COL9A1: variants seen among roughly 807,000 people sequenced by gnomAD.
COL9A1 encodes collagen alpha-1(IX) chain.
COL9A1 carries 104 observed loss-of-function variants against 142.6 expected under a neutral mutation model. The observed-to-expected ratio is 0.73, with a 90% CI of 0.62 to 0.86. The LOEUF (loss-of-function observed/expected upper bound fraction) is 0.86. Among genes scored for constraint, COL9A1 ranks in the 40% least tolerant of loss-of-function variants. COL9A1 has a pLI of 0.00. For missense variants in COL9A1, 1,210 were observed against 1,176.6 expected (o/e 1.03, Z -0.42); for synonymous variants, 466 against 396.0 (o/e 1.18, Z -2.10).
chr6:70,282,628 C>G (rs1297161154), intron 7 of COL9A1, among the ~76,000 whole-genome samples: 1 of 152,188 alleles, frequency 6.6e-6, no homozygotes, highest in Non-Finnish European at 1.5e-5. Context: ...AAGAATTAAA[C>G]CTCGGTCTCC....
intron 4 of COL9A1, among the ~76,000 whole-genome samples, chr6:70,296,450 G>T (rs515975): frequency 0.62 from 94,652 of 151,832 alleles, 29,660 homozygotes; most frequent in African/African-American, 0.68. Context: ...AAGAACCATT[G>T]ACTGACCTAT....
At chr6:70,284,303 G>A (rs1773353239) in intron 5 of COL9A1, among the ~76,000 whole-genome samples, 2 of 152,198 alleles carry the variant, frequency 1.3e-5, no homozygotes, top group African/African-American at 4.8e-5. Context: ...CAATCAGAAG[G>A]ACAAGTAGAA....
At chr6:70,275,063 G>GA (rs1269406894) in intron 10 of COL9A1, 5 of 416,870 alleles carry the variant, frequency 1.2e-5, no homozygotes, top group African/African-American at 8.1e-5. Flanking sequence ...CTCTGCTTTG[G>GA]AAAAAAATGC....
intron 26 of COL9A1, 82 bp from the exon 27 acceptor site, chr6:70,252,397 C>A: frequency 8.0e-7 from 1 of 1,242,308 alleles, no homozygotes; most frequent in Non-Finnish European, 1.2e-6. Context: ...ACTGGGATCT[C>A]TTACATTTGA....
At chr6:70,225,302 AG>A (rs1209336140) in intron 37 of COL9A1, among the ~76,000 whole-genome samples, 3 of 152,216 alleles carry the variant, frequency 2.0e-5, no homozygotes. Context: ...CTCTGGTGAC[AG>A]GGTAGCCAGT....
intron 20 of COL9A1, chr6:70,258,830 A>T (rs1010474004): frequency 6.6e-6 from 1 of 152,186 alleles, no homozygotes; most frequent in Non-Finnish European, 1.5e-5. Context: ...AAATGGAAAA[A>T]TATCTCAAAT....
intron 19 of COL9A1, 48 bp from the exon 20 acceptor site, chr6:70,260,758 T>C (rs758722646): frequency 6.3e-7 from 1 of 1,592,046 alleles, no homozygotes; most frequent in Non-Finnish European, 8.6e-7. Flanking sequence ...GAAGCAAAGA[T>C]TTTTAAAAAT....
intron 12 of COL9A1, among the ~76,000 whole-genome samples, chr6:70,273,137 T>A (rs779306404): frequency 2.0e-5 from 3 of 152,176 alleles, no homozygotes; most frequent in Non-Finnish European, 4.4e-5. Context: ...ACATGGACAG[T>A]ATGTTTTAAT....
intron 28 of COL9A1, among the ~76,000 whole-genome samples, chr6:70,246,817 A>T (rs550631442): frequency 6.6e-6 from 1 of 152,342 alleles, no homozygotes; most frequent in African/African-American, 2.4e-5. Flanking sequence ...AAAGACAAGA[A>T]CACTGAGCCC....
At chr6:70,229,963 T>C (rs1769449215) in intron 36 of COL9A1, among the ~76,000 whole-genome samples, 1 of 152,194 alleles carries the variant, frequency 6.6e-6, no homozygotes, top group Non-Finnish European at 1.5e-5. Context: ...TGTTCAAGCA[T>C]TCATAATAAA....
intron 33 of COL9A1, among the ~76,000 whole-genome samples, chr6:70,235,779 A>G (rs954325265): frequency 3.3e-5 from 5 of 152,144 alleles, no homozygotes; most frequent in Non-Finnish European, 7.3e-5. Context: ...ACTAAACTAA[A>G]TCAATGCACT....
At chr6:70,246,994 A>G (rs1770648931) in intron 28 of COL9A1, among the ~76,000 whole-genome samples, 2 of 152,198 alleles carry the variant, frequency 1.3e-5, no homozygotes, top group African/African-American at 2.4e-5. Flanking sequence ...ATCACTTAGA[A>G]CTATGCTTGT....
At chr6:70,281,170 C>A (rs918700071) in intron 8 of COL9A1, 131 bp from the exon 9 acceptor site, 1 of 832,362 alleles carries the variant, frequency 1.2e-6, no homozygotes, top group Non-Finnish European at 1.9e-6. Flanking sequence ...GGTTCATGAC[C>A]AACAAGGACA....
chr6:70,234,299 C>CAAACA (rs1554233949), intron 35 of COL9A1, among the ~76,000 whole-genome samples: 5 of 132,022 alleles, frequency 3.8e-5, no homozygotes, highest in Admixed American at 7.4e-5. Context: ...AAAAACAAAA[C>CAAACA]AAAACAAAAA....
intron 12 of COL9A1, among the ~76,000 whole-genome samples, chr6:70,273,569 C>T (rs1242964809): frequency 6.6e-6 from 1 of 152,074 alleles, no homozygotes; most frequent in Non-Finnish European, 1.5e-5. Flanking sequence ...ATAACACACA[C>T]CTGCCATATT....
chr6:70,257,409 G>C (rs1301415609), intron 20 of COL9A1, among the ~76,000 whole-genome samples: 2 of 152,064 alleles, frequency 1.3e-5, no homozygotes, highest in Admixed American at 1.3e-4. Context: ...TTGCTGACAT[G>C]AGCTAAAAAC....
chr6:70,218,041 G>C (rs1255775064), intron 37 of COL9A1, among the ~76,000 whole-genome samples: 1 of 152,170 alleles, frequency 6.6e-6, no homozygotes, highest in African/African-American at 2.4e-5. Context: ...TACTCAGGAG[G>C]CTGAGGCAGG....
chr6:70,255,446 T>A lies in COL9A1; in HGVS notation c.1504-56A>T, dbSNP rs146730771. On this transcript the variant is annotated intron_variant, in intron 21 of 37. Transcript: ENST00000357250. ...GAAAAAGTTACTTATTAATCAACTTTTAAAAATTAGAAAGTATCATCCACG... is the reference window on the plus strand; with the variant it reads ...GAAAAAGTTACTTATTAATCAACTTATAAAAATTAGAAAGTATCATCCACG... The A allele has an allele frequency of 5.3e-4, 786 of 1,493,732 alleles. 6 individuals carry two copies. In the African/African-American group the frequency reaches 8.2e-3, roughly 16 times the overall value. The allele number at this position is 1,493,732 out of a possible 1,614,324, so 92.5% of individuals were successfully genotyped here. A position where few individuals can be genotyped will look rare whatever the true frequency, so the allele number is the denominator to read the frequency against.
chr6:70,242,202 G>A (rs1770302837), intron 29 of COL9A1, 167 bp from the exon 30 acceptor site: 2 of 687,800 alleles, frequency 2.9e-6, no homozygotes, highest in East Asian at 5.7e-5. Context: ...CAGGAGAAGA[G>A]GGCGGGGCCA....
Sources: allele counts gnomAD v4.1 joint callset (sites outside exome capture counted in the v4.1 genomes callset), GRCh38; gene constraint gnomAD v4.1.1; transcripts MANE v1.5; gene names NCBI Gene and HGNC (gene_info 2026-07-23, HGNC 2026-07-21).